The following SLCO1C1 variants were observed in gnomAD, a reference collection of about 807,000 sequenced individuals.
SLCO1C1 encodes the protein solute carrier organic anion transporter family member 1C1, also known as OAT-RP-5.
In SLCO1C1, 70 loss-of-function variants were observed where a neutral mutation model predicts 76.4. That is an observed-to-expected ratio of 0.92 (90% CI 0.76 to 1.12). The LOEUF (loss-of-function observed/expected upper bound fraction) is 1.12, where lower values mean the gene tolerates loss of function less well. Among genes scored for constraint, SLCO1C1 ranks in the 50% most tolerant of loss-of-function variants. SLCO1C1 has a pLI of 0.00. For synonymous variants in SLCO1C1, 306 were observed against 286.1 expected (o/e 1.07, Z -0.70); for missense variants, 912 against 823.8 (o/e 1.11, Z -1.31).
rs960177812 is a variant in SLCO1C1, at chr12:20,752,929, G to A, written c.*401G>A. On this transcript the variant is annotated 3_prime_UTR_variant, in exon 15 of 15. Transcript: ENST00000266509. ...ACTGCTAACAATTAACTCATACCTTGGGTTCCTTCAAGTATTACTCCTATA... is the reference window on the plus strand; with the variant it reads ...ACTGCTAACAATTAACTCATACCTTAGGTTCCTTCAAGTATTACTCCTATA... 1 of 152,760 alleles carries A rather than the reference G, an allele frequency of 6.5e-6. No homozygotes were observed. The allele number at this position is 152,760 out of a possible 1,614,324, so 9.5% of individuals were successfully genotyped here. A position where few individuals can be genotyped will look rare whatever the true frequency, so the allele number is the denominator to read the frequency against.
chr12:20,715,307 AC>A lies in SLCO1C1; in HGVS notation c.676+23del, dbSNP rs752211774. On this transcript the variant is annotated intron_variant, in intron 6 of 14. Transcript: ENST00000266509. Reference sequence around the variant, plus strand: ...ATTGGTAATATTGGCATATTGCTTCACTTATCTTCTTGGGAAGCAGGGTGTC... The same window carrying A: ...ATTGGTAATATTGGCATATTGCTTCATTATCTTCTTGGGAAGCAGGGTGTC... The A allele has an allele frequency of 8.1e-6, 13 of 1,610,404 alleles. No homozygotes were observed. In the African/African-American group the frequency reaches 1.6e-4, roughly 20 times the overall value.
intron 9 of SLCO1C1, among the ~76,000 whole-genome samples, chr12:20,729,535 C>G (rs896363074): frequency 2.0e-5 from 3 of 151,656 alleles, no homozygotes; most frequent in African/African-American, 7.3e-5. Context: ...CCTATGGGCC[C>G]CTGCACAAGG....
intron 1 of SLCO1C1, among the ~76,000 whole-genome samples, chr12:20,698,774 T>C (rs1260467167): frequency 6.6e-6 from 1 of 152,002 alleles, no homozygotes; most frequent in Non-Finnish European, 1.5e-5. Flanking sequence ...TAGGTTAGAT[T>C]ATCAGGCAGG....
chr12:20,741,533 T>C (rs1017192612), intron 12 of SLCO1C1, among the ~76,000 whole-genome samples: 2 of 152,170 alleles, frequency 1.3e-5, no homozygotes, highest in Admixed American at 1.3e-4. Flanking sequence ...TGGGTCAGAA[T>C]TGTATAACAA....
chr12:20,710,223 T>TTTTTTTTTC (rs1555122286), intron 4 of SLCO1C1, among the ~76,000 whole-genome samples: 1 of 133,846 alleles, frequency 7.5e-6, no homozygotes, highest in Non-Finnish European at 1.6e-5. Context: ...TTTTTTTTTT[T>TTTTTTTTTC]TTGAGATGGA....
chr12:20,751,807 A>C (rs1158576857), intron 14 of SLCO1C1, among the ~76,000 whole-genome samples: 1 of 152,122 alleles, frequency 6.6e-6, no homozygotes, highest in Non-Finnish European at 1.5e-5. Context: ...AACTGATTTA[A>C]ATCTCTGGTT....
chr12:20,713,130 A>C (rs1947201950), intron 5 of SLCO1C1, among the ~76,000 whole-genome samples: 1 of 144,272 alleles, frequency 6.9e-6, no homozygotes, highest in East Asian at 2.1e-4. Context: ...CCCAGGCTGG[A>C]GTGCAGTGGC....
At chr12:20,697,230 A>T (rs1483669330) in intron 1 of SLCO1C1, 3 of 152,058 alleles carry the variant, frequency 2.0e-5, no homozygotes, top group Non-Finnish European at 4.4e-5. Flanking sequence ...TGACTTTAAT[A>T]TTATGACTGA....
chr12:20,723,403 G>T (rs1267370580), intron 9 of SLCO1C1, 149 bp downstream of exon 9: 8 of 972,620 alleles, frequency 8.2e-6, no homozygotes, highest in Non-Finnish European at 1.0e-5. Flanking sequence ...GTTGTAGCAA[G>T]AATTATTCAC....
In SLCO1C1 at chr12:20,721,843, G is replaced by A; in HGVS notation, c.815G>A (p.Gly272Glu). ...TITPKDPQWVGAWWLGYLIAG... is the reference protein window; with the variant it reads ...TITPKDPQWVEAWWLGYLIAG... ...ACCCCAAAAGATCCCCAGTGGGTAG[G>A]AGCCTGGTGGCTTGGCTATCTAATA... Residue 272 changes from glycine (G) to glutamate (E), a missense_variant, in exon 8 of 15, where the codon GGA becomes GAA. Physicochemically the swap from Gly to Glu is moderately conservative, Grantham distance 98. Coordinates refer to ENST00000266509, the MANE Select transcript of SLCO1C1 (RefSeq NM_017435.5). The A allele has an allele frequency of 1.2e-6, 2 of 1,614,136 alleles. No individual in the cohort carries two copies. The highest frequency in any genetic ancestry group is 1.7e-6 in the Non-Finnish European group (2 of 1,180,010).
intron 1 of SLCO1C1, among the ~76,000 whole-genome samples, chr12:20,698,355 C>G (rs1211523612): frequency 1.3e-5 from 2 of 151,884 alleles, no homozygotes; most frequent in Non-Finnish European, 2.9e-5. Context: ...TTTTTTGAAA[C>G]CAGACCCTTG....
intron 7 of SLCO1C1, among the ~76,000 whole-genome samples, chr12:20,720,609 T>C (rs987019672): frequency 6.6e-6 from 1 of 152,162 alleles, no homozygotes; most frequent in Non-Finnish European, 1.5e-5. Flanking sequence ...AACACTTTAG[T>C]GGAGAAAGTA....
At position 20,696,043 on chromosome 12, in the gene SLCO1C1, A is replaced by C. The variant is rs184798557; in HGVS notation, c.-26+236A>C. Among the ~76,000 whole-genome samples, 407 of 152,196 alleles carry C rather than the reference A, an allele frequency of 2.7e-3. 2 individuals carry two copies. Among genetic ancestry groups the C allele is most frequent in the African/African-American group, 9.1e-3 (376 of 41,538 alleles). The stretch of plus-strand genomic sequence containing the variant: ...GCTTATAAATTGTTTAGCTTTTGAC[A>C]AGTCACTTAATTGCTTTGGGCCATC... On this transcript the variant is annotated intron_variant, in intron 1 of 14. Transcript: ENST00000266509.
intron 13 of SLCO1C1, among the ~76,000 whole-genome samples, chr12:20,746,248 T>C (rs945856576): frequency 6.6e-5 from 10 of 152,154 alleles, no homozygotes; most frequent in Non-Finnish European, 1.5e-5. Flanking sequence ...CTGCAGTTTA[T>C]TGAAATACAT....
intron 12 of SLCO1C1, among the ~76,000 whole-genome samples, chr12:20,742,552 T>A (rs1320776477): frequency 2.0e-5 from 3 of 149,912 alleles, no homozygotes; most frequent in African/African-American, 7.3e-5. Flanking sequence ...ATTTACTTTT[T>A]AGATGGAGTC....
chr12:20,719,669 C>G (rs988330661), intron 7 of SLCO1C1, among the ~76,000 whole-genome samples: 3 of 152,084 alleles, frequency 2.0e-5, no homozygotes, highest in African/African-American at 7.2e-5. Context: ...CAGAACAAGG[C>G]CTAACCCTCA....
At chr12:20,736,385 T>C (rs1271427341) in intron 10 of SLCO1C1, among the ~76,000 whole-genome samples, 1 of 152,024 alleles carries the variant, frequency 6.6e-6, no homozygotes, top group African/African-American at 2.4e-5. Flanking sequence ...CCATCTCCTA[T>C]TCTCCCGGAG....
At chr12:20,711,547 T>TA (rs142446674) in intron 5 of SLCO1C1, 37 bp downstream of exon 5, 45,473 of 1,594,626 alleles carry the variant, frequency 0.029, 723 homozygotes, top group Non-Finnish European at 0.032. Flanking sequence ...AACAAGCTTT[T>TA]AAAAAAAAGA....
chr12:20,725,464 TATA>T (rs1947932716), intron 9 of SLCO1C1, among the ~76,000 whole-genome samples: 2 of 146,800 alleles, frequency 1.4e-5, no homozygotes, highest in Admixed American at 6.9e-5. Flanking sequence ...TACTATAATA[TATA>T]ATAATAATGC....
Sources: allele counts gnomAD v4.1 joint callset (sites outside exome capture counted in the v4.1 genomes callset), GRCh38; gene constraint gnomAD v4.1.1; transcripts MANE v1.5; gene names NCBI Gene and HGNC (gene_info 2026-07-23, HGNC 2026-07-21).